Variants in NDEL1 observed in about 807,000 individuals in gnomAD.
NDEL1 encodes the protein nuclear distribution protein nudE-like 1.
Under a neutral mutation model 45.7 loss-of-function variants are expected in NDEL1, and 9 were observed. The observed-to-expected ratio is 0.20, with a 90% CI of 0.12 to 0.34. The LOEUF is 0.34. Among genes scored for constraint, NDEL1 ranks in the 10% least tolerant of loss-of-function variants. The pLI, the probability that NDEL1 is intolerant of heterozygous loss-of-function variation, is 1.00. For synonymous variants in NDEL1, 133 were observed against 158.6 expected, an observed-to-expected ratio of 0.84 and a Z score of 1.21; for missense variants, 306 against 406.2, an observed-to-expected ratio of 0.75 and a Z score of 2.12.
At chr17:8,423,037 A>T (rs1908741484) in intron 1 of NDEL1, among the ~76,000 whole-genome samples, 1 of 152,166 alleles carries the variant, frequency 6.6e-6, no homozygotes. Context: ...CCCTCCTTGT[A>T]ATTTCGAAGC....
upstream of NDEL1, among the ~76,000 whole-genome samples, chr17:8,432,675 C>T (rs376167066): frequency 9.9e-5 from 15 of 151,952 alleles, no homozygotes; most frequent in East Asian, 9.6e-4. Context: ...TGAGCCACTG[C>T]GCCTGGCCTA....
upstream of NDEL1, chr17:8,435,865 T>A: frequency 2.2e-6 from 1 of 446,302 alleles, no homozygotes; most frequent in Non-Finnish European, 4.5e-6. Flanking sequence ...CGTCACAGAA[T>A]GGCCTCGGAC....
At chr17:8,430,133 T>A (rs1908963205) in intron 1 of NDEL1, among the ~76,000 whole-genome samples, 2 of 152,148 alleles carry the variant, frequency 1.3e-5, no homozygotes, top group African/African-American at 4.8e-5. Flanking sequence ...AAAATTGTTT[T>A]GGAAATTTCT....
chr17:8,471,874 G>A (rs1473077307), downstream of NDEL1, among the ~76,000 whole-genome samples: 1 of 152,178 alleles, frequency 6.6e-6, no homozygotes, highest in Non-Finnish European at 1.5e-5. Context: ...CAACATCTGG[G>A]AAAGCTCTTG....
intron 6 of NDEL1, among the ~76,000 whole-genome samples, chr17:8,453,456 C>T (rs1158907085): frequency 6.6e-6 from 1 of 152,176 alleles, no homozygotes; most frequent in Non-Finnish European, 1.5e-5. Flanking sequence ...TTGTTATTTG[C>T]CCCCTCTTAC....
rs142649117 is a variant in NDEL1, at chr17:8,456,861, G to A, written c.792+1974G>A. On this transcript the variant is annotated intron_variant, in intron 7 of 8. Transcript: ENST00000334527. ...TTCTTCCCCACCACACTCCCACTCC[G>A]CTTTCCTTTTCTGAGCCCTCTACTA... 1.7e-3 allele frequency among the ~76,000 whole-genome samples: 254 copies of A among 152,182 alleles called. 1 individual carries two copies. The highest frequency in any genetic ancestry group is 3.9e-3 in the South Asian group (19 of 4,822).
At chr17:8,454,929 G>A (rs949519596) in intron 7 of NDEL1, 42 bp downstream of exon 7, 4 of 1,474,574 alleles carry the variant, frequency 2.7e-6, no homozygotes, top group Non-Finnish European at 3.8e-6. Context: ...CCACTGACAA[G>A]GTATTGAATT....
chr17:8,453,334 A>G (rs949760010), intron 6 of NDEL1, among the ~76,000 whole-genome samples: 1 of 152,200 alleles, frequency 6.6e-6, no homozygotes, highest in Non-Finnish European at 1.5e-5. Context: ...GCTGATTAGC[A>G]CTCTGTGGAA....
At chr17:8,472,855 C>G (rs750476484), downstream of NDEL1, among the ~76,000 whole-genome samples, 9 of 152,190 alleles carry the variant, frequency 5.9e-5, no homozygotes, top group Non-Finnish European at 1.0e-4. Context: ...AACGAAAGAG[C>G]AAGCCTTTCC....
chr17:8,472,610 C>T (rs973743023), downstream of NDEL1, among the ~76,000 whole-genome samples: 16 of 152,226 alleles, frequency 1.1e-4, no homozygotes, highest in African/African-American at 3.9e-4. Flanking sequence ...GTGAAGTGAG[C>T]TGAGAGCATG....
At chr17:8,446,524 T>C (rs1485083812) in intron 3 of NDEL1, among the ~76,000 whole-genome samples, 2 of 152,196 alleles carry the variant, frequency 1.3e-5, no homozygotes, top group African/African-American at 4.8e-5. Context: ...TATTAGTTCT[T>C]TTCAGAGAGA....
At chr17:8,430,415 T>C (rs953783139) in intron 1 of NDEL1, among the ~76,000 whole-genome samples, 4 of 152,220 alleles carry the variant, frequency 2.6e-5, no homozygotes, top group African/African-American at 4.8e-5. Flanking sequence ...ACAGTGGGCC[T>C]GTGTGCATTA....
upstream of NDEL1, among the ~76,000 whole-genome samples, chr17:8,434,608 GT>G (rs1409141147): frequency 1.3e-5 from 2 of 152,048 alleles, no homozygotes; most frequent in Admixed American, 1.3e-4. Context: ...TTTTTAAAAT[GT>G]ATCTCTTCCT....
intron 1 of NDEL1, among the ~76,000 whole-genome samples, chr17:8,430,460 A>T (rs1216453037): frequency 6.6e-6 from 1 of 152,196 alleles, no homozygotes; most frequent in Non-Finnish European, 1.5e-5. Flanking sequence ...ATGTGGCCGA[A>T]GTCCAGCATC....
intron 1 of NDEL1, among the ~76,000 whole-genome samples, chr17:8,428,651 C>G (rs1360946015): frequency 1.3e-5 from 2 of 151,730 alleles, no homozygotes; most frequent in Non-Finnish European, 2.9e-5. Flanking sequence ...GTGTGAGCCC[C>G]CATGCCTGGC....
chr17:8,419,945 G>T (rs998602111), intron 1 of NDEL1, among the ~76,000 whole-genome samples: 7 of 152,166 alleles, frequency 4.6e-5, no homozygotes, highest in Non-Finnish European at 7.4e-5. Context: ...GATCACCCGA[G>T]AAATAATAGC....
chr17:8,422,358 G>A (rs1040160369), intron 1 of NDEL1, among the ~76,000 whole-genome samples: 4 of 151,996 alleles, frequency 2.6e-5, no homozygotes, highest in African/African-American at 9.7e-5. Flanking sequence ...GCCCAGGCTG[G>A]AGTGCAGTGG....
rs17852345 is a variant in NDEL1 at position 8,466,949 on chromosome 17, C to T, written c.964C>T (p.Pro322Ser). ...FDKGAVNGFD[P>S]APPPPGLGSS... ...CCACAGGGCAGTAAACGGCTTTGAC[C>T]CCGCTCCTCCTCCTCCTGGTCTGGG... Residue 322 changes from proline to serine, a missense_variant, in exon 9 of 9, where the codon CCC (proline) becomes TCC (serine). By Grantham distance (74) the Pro-to-Ser change is moderately conservative. Coordinates refer to ENST00000334527, the MANE Select transcript of NDEL1 (RefSeq NM_030808.5). 4 of 1,614,218 alleles carry T rather than the reference C, an allele frequency of 2.5e-6. No homozygotes were observed. The South Asian group carries it at 3.3e-5, about 13-fold the overall frequency.
At chr17:8,455,896 C>T (rs1193642027) in intron 7 of NDEL1, among the ~76,000 whole-genome samples, 4 of 152,110 alleles carry the variant, frequency 2.6e-5, no homozygotes, top group African/African-American at 9.7e-5. Flanking sequence ...TTCATGGTCT[C>T]TCTGGCCACA....
Sources: allele counts gnomAD v4.1 joint callset (sites outside exome capture counted in the v4.1 genomes callset), GRCh38; gene constraint gnomAD v4.1.1; transcripts MANE v1.5; gene names NCBI Gene and HGNC (gene_info 2026-07-23, HGNC 2026-07-21).